PPP1R12B: variants seen among roughly 807,000 people sequenced by gnomAD.
The protein encoded by PPP1R12B is protein phosphatase 1 regulatory subunit 12B.
In PPP1R12B, 76 loss-of-function variants were observed where a neutral mutation model predicts 126.1. That is an observed-to-expected ratio of 0.60 (90% CI 0.50 to 0.73). The LOEUF (loss-of-function observed/expected upper bound fraction) is 0.73, where lower values mean the gene tolerates loss of function less well. Ranked by LOEUF, PPP1R12B falls within the 30% of genes least tolerant of loss-of-function variation. PPP1R12B has a pLI of 0.00. For synonymous variants in PPP1R12B, 356 were observed against 434.7 expected (o/e 0.82, Z 2.25); for missense variants, 1,052 against 1,205.1 (o/e 0.87, Z 1.88).
intron 1 of PPP1R12B, among the ~76,000 whole-genome samples, chr1:202,355,218 T>G (rs1336988035): frequency 6.6e-6 from 1 of 152,190 alleles, no homozygotes; most frequent in Admixed American, 6.5e-5. Flanking sequence ...TTCCACTATA[T>G]TTTTCTCTTT....
At chr1:202,567,044 G>A (rs1314580723) in intron 21 of PPP1R12B, among the ~76,000 whole-genome samples, 2 of 151,932 alleles carry the variant, frequency 1.3e-5, no homozygotes, top group Admixed American at 6.6e-5. Context: ...TTTTTTTGCC[G>A]TGAGGCTAAG....
intron 13 of PPP1R12B, among the ~76,000 whole-genome samples, chr1:202,458,467 C>T (rs1673922404): frequency 7.1e-6 from 1 of 139,980 alleles, no homozygotes; most frequent in Non-Finnish European, 1.6e-5. Flanking sequence ...TGGAAATTGT[C>T]AAGCTAGAGA....
rs561924200 is a variant in PPP1R12B, at chr1:202,428,903, G to C, written c.895G>C (p.Glu299Gln). 8 of 1,608,168 alleles carry C rather than the reference G, an allele frequency of 5.0e-6. No homozygotes were observed. The Admixed American group carries it at 6.8e-5, about 14-fold the overall frequency. ...VADEGLVEHL[E>Q]LLQKKQNVLR... The stretch of plus-strand genomic sequence containing the variant: ...TGATGAGGGTCTCGTGGAGCATTTG[G>C]AGTTGCTCCAGAAGAAGCAGAATGT... Residue 299 changes from glutamate to glutamine, a missense_variant, in exon 6 of 24, where the codon GAG becomes CAG. Glu to Gln is a conservative substitution (Grantham distance 29). Coordinates refer to ENST00000608999, the MANE Select transcript of PPP1R12B (RefSeq NM_002481.4).
chr1:202,438,736 C>A, intron 10 of PPP1R12B: 2 of 687,422 alleles, frequency 2.9e-6, no homozygotes, highest in Non-Finnish European at 5.3e-6. Context: ...TTGCAGACGT[C>A]GTGAGAGAAC....
At chr1:202,362,772 C>G (rs564679220) in intron 1 of PPP1R12B, among the ~76,000 whole-genome samples, 1 of 151,484 alleles carries the variant, frequency 6.6e-6, no homozygotes, top group Non-Finnish European at 1.5e-5. Flanking sequence ...TTCTTAATAT[C>G]AAGATAAATG....
chr1:202,387,624 G>A (rs1207612591), intron 1 of PPP1R12B, among the ~76,000 whole-genome samples: 1 of 152,014 alleles, frequency 6.6e-6, no homozygotes, highest in Admixed American at 6.6e-5. Context: ...CGGTAAGGTA[G>A]AAAAGGATTA....
intron 14 of PPP1R12B, among the ~76,000 whole-genome samples, chr1:202,491,005 A>G (rs554289546): frequency 1.1e-3 from 168 of 152,248 alleles, no homozygotes; most frequent in Non-Finnish European, 2.1e-3. Flanking sequence ...TCATGTGGTA[A>G]TTCAATTTTT....
intron 1 of PPP1R12B, among the ~76,000 whole-genome samples, chr1:202,384,550 G>A (rs2148500615): frequency 6.6e-6 from 1 of 152,302 alleles, no homozygotes; most frequent in South Asian, 2.1e-4. Context: ...AGGGCTTGGG[G>A]GAAGGGGTGA....
Position 202,351,051 on chromosome 1 carries a change from G to A in PPP1R12B, c.291+1909G>A, listed in dbSNP as rs139673655. On this transcript the variant is annotated intron_variant, in intron 1 of 23. Coordinates refer to ENST00000608999, the MANE Select transcript of PPP1R12B (RefSeq NM_002481.4). ...GGAGTTGAACTGAACAAGTATACTCGATTCTAGACAAATTCAGCTAAAAAT... is the reference window on the plus strand; with the variant it reads ...GGAGTTGAACTGAACAAGTATACTCAATTCTAGACAAATTCAGCTAAAAAT... Among the ~76,000 whole-genome samples the A allele has an allele frequency of 8.6e-5, 13 of 152,012 alleles. No individual in the cohort carries two copies. In the East Asian group the frequency reaches 1.4e-3, roughly 16 times the overall value.
At chr1:202,507,586 C>T (rs1428535575) in intron 18 of PPP1R12B, among the ~76,000 whole-genome samples, 3 of 152,102 alleles carry the variant, frequency 2.0e-5, no homozygotes, top group Non-Finnish European at 4.4e-5. Context: ...CAAAGTTTTT[C>T]TTTTTAAAAA....
chr1:202,426,169 G>A (rs1669475426), intron 4 of PPP1R12B, among the ~76,000 whole-genome samples: 1 of 152,162 alleles, frequency 6.6e-6, no homozygotes, highest in East Asian at 1.9e-4. Flanking sequence ...GAGGGATTTG[G>A]ACTCTACTAC....
intron 13 of PPP1R12B, chr1:202,462,997 C>G: frequency 1.0e-6 from 1 of 985,308 alleles, no homozygotes; most frequent in Non-Finnish European, 1.2e-6. Context: ...TTGAGACAAG[C>G]CTCTGCCATA....
intron 18 of PPP1R12B, among the ~76,000 whole-genome samples, chr1:202,547,117 C>G (rs191584421): frequency 3.9e-5 from 6 of 152,222 alleles, no homozygotes; most frequent in Non-Finnish European, 8.8e-5. Flanking sequence ...CAGTACCTAA[C>G]CTAAGCTGTG....
chr1:202,521,259 A>G (rs1682755311), intron 18 of PPP1R12B, among the ~76,000 whole-genome samples: 1 of 152,164 alleles, frequency 6.6e-6, no homozygotes, highest in African/African-American at 2.4e-5. Flanking sequence ...GGCAACTTAA[A>G]ACTGCCCTAT....
At chr1:202,523,608 C>T (rs1683007222) in intron 18 of PPP1R12B, among the ~76,000 whole-genome samples, 4 of 152,194 alleles carry the variant, frequency 2.6e-5, no homozygotes, top group African/African-American at 4.8e-5. Context: ...GAATGCAGAG[C>T]GTCATAGGCC....
chr1:202,541,187 A>G (rs1440937306), intron 18 of PPP1R12B, among the ~76,000 whole-genome samples: 1 of 151,920 alleles, frequency 6.6e-6, no homozygotes, highest in South Asian at 2.1e-4. Flanking sequence ...TTAGGGAGCT[A>G]TGGGGAGAAA....
intron 10 of PPP1R12B, chr1:202,439,554 C>T (rs1381492061): frequency 1.3e-6 from 2 of 1,499,270 alleles, no homozygotes; most frequent in South Asian, 1.2e-5. Context: ...TGTGGTCACT[C>T]CTGCCAGGAA....
intron 18 of PPP1R12B, among the ~76,000 whole-genome samples, chr1:202,524,008 C>A (rs1018761551): frequency 2.0e-5 from 3 of 152,100 alleles, no homozygotes; most frequent in African/African-American, 7.2e-5. Flanking sequence ...CTACCGTGCC[C>A]GGCCAATCTG....
At chr1:202,411,943 G>A (rs1413826460) in intron 1 of PPP1R12B, among the ~76,000 whole-genome samples, 2 of 152,162 alleles carry the variant, frequency 1.3e-5, no homozygotes, top group East Asian at 3.8e-4. Flanking sequence ...GGGACTACAG[G>A]TGTGAGCCAC....
Sources: gnomAD v4.1 joint callset for allele counts (sites outside exome capture counted in the v4.1 genomes callset) on GRCh38, gnomAD v4.1.1 for gene constraint, MANE v1.5 for transcripts, NCBI Gene and HGNC (gene_info 2026-07-23, HGNC 2026-07-21) for gene names.